ANLN: variants seen among roughly 807,000 people sequenced by gnomAD.
The protein encoded by ANLN is anillin.
A neutral mutation model predicts 135.1 loss-of-function variants in ANLN; 59 were observed. The observed-to-expected ratio is 0.44, with a 90% CI of 0.35 to 0.54. ANLN has a LOEUF of 0.54. Ranked by LOEUF, ANLN falls within the 20% of genes least tolerant of loss-of-function variation. The pLI is 0.00. For missense variants in ANLN, 1,182 were observed against 1,340.0 expected, an observed-to-expected ratio of 0.88 and a Z score of 1.84; for synonymous variants, 406 against 456.4, an observed-to-expected ratio of 0.89 and a Z score of 1.41.
At position 36,443,858 on chromosome 7, in the gene ANLN, G is replaced by T; in HGVS notation, c.3074G>T (p.Arg1025Leu). ...TGGACTTATCCAGATGATGAGAAAC[G>T]CAAGGTAATTTATATAGTACTGTTT... ...SYWTYPDDEK[R>L]KNPIGRINLA... The change falls in exon 22 of 24, where the codon CGC (arginine) becomes CTC (leucine). Residue 1025 changes from arginine to leucine, a missense_variant. By Grantham distance (102) the Arg-to-Leu change is moderately radical (BLOSUM62 -2). Transcript: ENST00000265748. 1 of 1,599,374 alleles carries T rather than the reference G, an allele frequency of 6.3e-7. No individual in the cohort carries two copies. The highest frequency in any genetic ancestry group is 8.5e-7 in the Non-Finnish European group (1 of 1,170,124).
chr7:36,440,968 C>G (rs1019223980), intron 21 of ANLN, among the ~76,000 whole-genome samples: 2 of 151,972 alleles, frequency 1.3e-5, no homozygotes, highest in East Asian at 1.9e-4. Context: ...AAGGAAAGCC[C>G]GGTGGTCTAA....
At position 36,396,326 on chromosome 7, in the gene ANLN, C is replaced by A. The variant is rs1786695262; in HGVS notation, c.79C>A (p.Pro27Thr). ...ENLQRKMAER[P>T]TAAPRSMTHA... Reference sequence around the variant, plus strand: ...TCTTCAGAGAAAAATGGCTGAGAGGCCCACAGCAGCTCCAAGGTCTATGAC... The same window carrying A: ...TCTTCAGAGAAAAATGGCTGAGAGGACCACAGCAGCTCCAAGGTCTATGAC... The change falls in exon 2 of 24, where the codon CCC becomes ACC. Residue 27 changes from proline to threonine, a missense_variant. Pro to Thr is a conservative substitution (Grantham distance 38). Around this residue, in one of 3 missense-constraint regions of ANLN, gnomAD observed 1,022 missense variants for 1,134.0 expected, o/e 0.90. Transcript: ENST00000265748. The A allele has an allele frequency of 6.2e-7, 1 of 1,608,146 alleles. No homozygotes were observed. The highest frequency in any genetic ancestry group is 8.5e-7 in the Non-Finnish European group (1 of 1,175,658).
chr7:36,392,166 A>G (rs1247110678), intron 1 of ANLN, among the ~76,000 whole-genome samples: 2 of 152,162 alleles, frequency 1.3e-5, no homozygotes, highest in Non-Finnish European at 2.9e-5. Flanking sequence ...ACAGAAGCAT[A>G]TTTTATTGTA....
In ANLN at chr7:36,445,509, T is replaced by TTTAGA. The variant is rs1481888143; in HGVS notation, c.3078+1650_3078+1654dup. ...ATTTGTCTGGGGTGGTATGTGTAGCTTTAGATTGTCCCCTCTTCTCTGTAT... is the reference window on the plus strand; with the variant it reads ...ATTTGTCTGGGGTGGTATGTGTAGCTTTAGATTAGATTGTCCCCTCTTCTCTGTAT... On this transcript the variant is annotated intron_variant, in intron 22 of 23. Coordinates refer to ENST00000265748, the MANE Select transcript of ANLN (RefSeq NM_018685.5). Among the ~76,000 whole-genome samples, 3 of 152,288 alleles carry TTTAGA rather than the reference T, an allele frequency of 2.0e-5. No individual in the cohort carries two copies. In the East Asian group the frequency reaches 5.8e-4, roughly 29 times the overall value.
At chr7:36,441,746 T>C (rs770282129) in intron 21 of ANLN, among the ~76,000 whole-genome samples, 49 of 152,256 alleles carry the variant, frequency 3.2e-4, no homozygotes, top group Admixed American at 2.0e-3. Flanking sequence ...TAATAGCTGG[T>C]GTTAATCTTG....
At position 36,406,246 on chromosome 7, in the gene ANLN, A is replaced by C. The variant is rs61737563; in HGVS notation, c.553A>C (p.Arg185=). Residue 185 remains arginine (R), a synonymous_variant, in exon 4 of 24, where the codon AGA becomes CGA. Transcript: ENST00000265748. ...PSEEKAASPP[R]PLLSNASATP... ...AGAGGAAAAGGCTGCTTCCCCTCCC[A>C]GACCTCTGCTTTCAAATGCCTCGGC... The C allele has an allele frequency of 0.09, 144,557 of 1,613,920 alleles. 7,200 individuals carry two copies. The highest frequency in any genetic ancestry group is 0.1 in the Non-Finnish European group (121,923 of 1,179,784).
intron 7 of ANLN, among the ~76,000 whole-genome samples, chr7:36,414,029 G>A (rs1486153912): frequency 6.6e-6 from 1 of 151,978 alleles, no homozygotes; most frequent in Non-Finnish European, 1.5e-5. Context: ...AGGGAAGAAA[G>A]AAAACTTTCG....
rs60215077 is a variant in ANLN, at chr7:36,412,306, A to AATAT, written c.1395+1159_1395+1162dup. Among the ~76,000 whole-genome samples the AATAT allele has an allele frequency of 1.4e-3, 142 of 102,640 alleles. 1 individual carries two copies. Among genetic ancestry groups the AATAT allele is most frequent in the East Asian group, 4.8e-3 (18 of 3,730 alleles). The allele number at this position is 102,640 out of a possible 152,430, so 67.3% of individuals were successfully genotyped here. On this transcript the variant is annotated intron_variant, in intron 7 of 23. Transcript: ENST00000265748. ...CCACCTTATCAGTTGCTGCCAGAGA[A>AATAT]ATATATATATATATATATATATTTT...
Position 36,390,151 on chromosome 7 carries a change from T to C in ANLN, c.18+107T>C, listed in dbSNP as rs949819687. The C allele has an allele frequency of 5.3e-5, 84 of 1,582,506 alleles. 2 individuals carry two copies. The East Asian group carries it at 7.0e-4, about 13-fold the overall frequency. ...ACCCCCACCGGGCGGAGGGCGCGTG[T>C]GTGCGCGCGTGCGCAGTGTGTGCGG... On this transcript the variant is annotated intron_variant, in intron 1 of 23. Transcript: ENST00000265748.
chr7:36,436,483 A>C (rs1223950216), intron 20 of ANLN, among the ~76,000 whole-genome samples: 2 of 152,214 alleles, frequency 1.3e-5, no homozygotes, highest in African/African-American at 4.8e-5. Context: ...TACATAGGAT[A>C]TACATAGGAG....
At chr7:36,439,547 T>C (rs1369842424) in intron 21 of ANLN, among the ~76,000 whole-genome samples, 1 of 152,170 alleles carries the variant, frequency 6.6e-6, no homozygotes, top group Non-Finnish European at 1.5e-5. Flanking sequence ...AATACTCTAA[T>C]AGGAGAAAAC....
rs1340549643 is a variant in ANLN at position 36,424,671 on chromosome 7, T to C, written c.2653-15T>C. ...ATCAGATTATAAATTAATTATGCTT[T>C]GGGTTTGTGCGTAGGTGCAAAAGAA... On this transcript the variant is annotated splice_polypyrimidine_tract_variant and intron_variant, in intron 16 of 23. Coordinates refer to ENST00000265748, the MANE Select transcript of ANLN (RefSeq NM_018685.5). 2 of 1,609,672 alleles carry C rather than the reference T, an allele frequency of 1.2e-6. No homozygotes were observed. Among genetic ancestry groups the C allele is most frequent in the Non-Finnish European group, 1.7e-6 (2 of 1,178,444 alleles).
chr7:36,395,129 T>C (rs942846186), intron 1 of ANLN, among the ~76,000 whole-genome samples: 1 of 152,246 alleles, frequency 6.6e-6, no homozygotes, highest in Non-Finnish European at 1.5e-5. Context: ...TTAGTTTTGC[T>C]GCTGTAACAA....
intron 3 of ANLN, among the ~76,000 whole-genome samples, chr7:36,403,037 A>G (rs1787022920): frequency 1.3e-5 from 2 of 152,132 alleles, no homozygotes; most frequent in Non-Finnish European, 2.9e-5. Flanking sequence ...GAATGTCTTG[A>G]ACCCGGGAGG....
chr7:36,406,373 A>C lies in ANLN; in HGVS notation c.680A>C (p.Gln227Pro), dbSNP rs543214617. 2 of 1,614,160 alleles carry C rather than the reference A, an allele frequency of 1.2e-6. No homozygotes were observed. Among genetic ancestry groups the C allele is most frequent in the Admixed American group, 1.7e-5 (1 of 60,026 alleles). ...NHSFAKQNSV[Q>P]EQPGTACLSK... ...TCATTTGCAAAACAAAACAGTGTAC[A>C]AGAACAGCCTGGTACCGCTTGTTTA... Residue 227 changes from glutamine to proline, a missense_variant, in exon 4 of 24, where the codon CAA becomes CCA. Physicochemically the swap from Gln to Pro is moderately conservative, Grantham distance 76. Coordinates refer to ENST00000265748, the MANE Select transcript of ANLN (RefSeq NM_018685.5).
At chr7:36,429,372 C>T (rs1392726309) in intron 20 of ANLN, among the ~76,000 whole-genome samples, 1 of 151,974 alleles carries the variant, frequency 6.6e-6, no homozygotes, top group African/African-American at 2.4e-5. Context: ...AGGCGTGCAC[C>T]ACCATGCCCA....
intron 17 of ANLN, 147 bp downstream of exon 17, chr7:36,424,889 G>T (rs1788018068): frequency 2.8e-6 from 2 of 714,676 alleles, no homozygotes; most frequent in African/African-American, 1.8e-5. Context: ...TGTTAAATAG[G>T]TATGAATACT....
chr7:36,396,666 T>G (rs1786713355), intron 2 of ANLN, among the ~76,000 whole-genome samples: 1 of 152,190 alleles, frequency 6.6e-6, no homozygotes, highest in Non-Finnish European at 1.5e-5. Flanking sequence ...TTTTCTTCAT[T>G]CTGAAGTTAT....
At chr7:36,447,636 C>T (rs1024765480) in intron 22 of ANLN, among the ~76,000 whole-genome samples, 3 of 151,920 alleles carry the variant, frequency 2.0e-5, no homozygotes, top group African/African-American at 7.3e-5. Flanking sequence ...CCGTGTTAGC[C>T]AGGATGGTCT....
Sources: allele counts gnomAD v4.1 joint callset (sites outside exome capture counted in the v4.1 genomes callset), GRCh38; gene constraint gnomAD v4.1.1; regional missense constraint gnomAD v4.1.1; transcripts MANE v1.5; gene names NCBI Gene and HGNC (gene_info 2026-07-23, HGNC 2026-07-21).